TOPAZ1: variants seen among roughly 807,000 people sequenced by gnomAD.
TOPAZ1 encodes protein TOPAZ1.
In TOPAZ1, 66 loss-of-function variants were observed where a neutral mutation model predicts 172.2. The observed-to-expected ratio is 0.38, with a 90% CI of 0.31 to 0.47. TOPAZ1 has a LOEUF of 0.47. Ranked by LOEUF, TOPAZ1 falls within the 20% of genes least tolerant of loss-of-function variation. The pLI, the probability that TOPAZ1 is intolerant of heterozygous loss-of-function variation, is 0.99. For missense variants in TOPAZ1, 1,822 were observed against 1,972.4 expected (o/e 0.92, Z 1.44); for synonymous variants, 681 against 683.9 (o/e 1.00, Z 0.07).
In TOPAZ1 at chr3:44,252,806, G is replaced by A. The variant is rs567444853; in HGVS notation, c.2766-2162G>A. On this transcript the variant is annotated intron_variant, in intron 2 of 19. Transcript: ENST00000309765. Reference sequence around the variant, plus strand: ...TGGAATTGCTGGAAAGGAGGGAGGCGTCTTCATTTGGGTCTCCTTAGCTTG... The same window carrying A: ...TGGAATTGCTGGAAAGGAGGGAGGCATCTTCATTTGGGTCTCCTTAGCTTG... Among the ~76,000 whole-genome samples, 7 of 132,102 alleles carry A rather than the reference G, an allele frequency of 5.3e-5. No individual in the cohort carries two copies. In the South Asian group the frequency reaches 1.6e-3, roughly 30 times the overall value. 86.7% of individuals were successfully genotyped at this position (132,102 alleles called of 152,430 possible).
intron 8 of TOPAZ1, among the ~76,000 whole-genome samples, chr3:44,280,386 G>C (rs2125690419): frequency 7.2e-6 from 1 of 138,282 alleles, no homozygotes. Context: ...GTCTTTCTCT[G>C]TTGCCCAGGC....
intron 16 of TOPAZ1, among the ~76,000 whole-genome samples, chr3:44,310,426 G>A (rs1462930087): frequency 6.6e-6 from 1 of 152,078 alleles, no homozygotes; most frequent in Non-Finnish European, 1.5e-5. Context: ...TTGAACCCGG[G>A]AGGCGGAGGT....
intron 7 of TOPAZ1, among the ~76,000 whole-genome samples, chr3:44,269,904 G>A (rs970331190): frequency 4.6e-5 from 7 of 152,150 alleles, no homozygotes; most frequent in African/African-American, 9.7e-5. Flanking sequence ...GATTACGGGC[G>A]TGAGCCACTG....
chr3:44,270,177 T>C (rs1699880460), intron 7 of TOPAZ1, among the ~76,000 whole-genome samples: 1 of 152,216 alleles, frequency 6.6e-6, no homozygotes, highest in African/African-American at 2.4e-5. Flanking sequence ...ATTTGCCTTG[T>C]TCTATTAATC....
At position 44,303,022 on chromosome 3, in the gene TOPAZ1, T is replaced by C. The variant is rs559991873; in HGVS notation, c.3798-993T>C. ...CACACCCAGCTAATTTTTGCAGAGG[T>C]AGGATTCACCATATTAACCAGGCTG... is the stretch of plus-strand genomic sequence containing the variant. On this transcript the variant is annotated intron_variant, in intron 12 of 19. Transcript: ENST00000309765. 2.0e-5 allele frequency among the ~76,000 whole-genome samples: 3 copies of C among 152,118 alleles called. No individual in the cohort carries two copies. In the East Asian group the frequency reaches 5.8e-4, roughly 30 times the overall value.
chr3:44,268,799 G>A (rs1308651349), intron 6 of TOPAZ1, among the ~76,000 whole-genome samples: 1 of 152,084 alleles, frequency 6.6e-6, no homozygotes, highest in African/African-American at 2.4e-5. Flanking sequence ...CATATTGAGG[G>A]TTAGGGCTTC....
In TOPAZ1 at chr3:44,304,029, G is replaced by A. The variant is rs112655871; in HGVS notation, c.3812G>A (p.Arg1271Gln). ...TTTTGTTAAAGGTTACAGATGAGACGATTTAAAAAGAACTGGAAGTGTGAT... is the reference window on the plus strand; with the variant it reads ...TTTTGTTAAAGGTTACAGATGAGACAATTTAAAAAGAACTGGAAGTGTGAT... ...LEMKSRLQMR[R>Q]FKKNWKCDLD... Residue 1271 changes from arginine (R) to glutamine (Q), a missense_variant, in exon 13 of 20, where the codon CGA becomes CAA. By Grantham distance (43) the Arg-to-Gln change is conservative. Around this residue, in one of 2 missense-constraint regions of TOPAZ1, gnomAD observed 1,489 missense variants for 1,490.8 expected, o/e 1.00. Transcript: ENST00000309765. 1,220 of 1,537,972 alleles carry A rather than the reference G, an allele frequency of 7.9e-4. 17 individuals are homozygous for A. The African/African-American group carries it at 0.014, about 18-fold the overall frequency.
Position 44,242,179 on chromosome 3 carries a change from G to T in TOPAZ1, c.126G>T (p.Gly42=), listed in dbSNP as rs1392608015. 6.5e-7 allele frequency: 1 copy of T among 1,544,984 alleles called. No homozygotes were observed. Among genetic ancestry groups the T allele is most frequent in the South Asian group, 1.2e-5 (1 of 83,454 alleles). ...AAGGCGPEAG[G]CRENKQKRRM... ...GAGGCTGTGGCCCTGAGGCCGGGGG[G>T]TGCCGGGAAAATAAGCAAAAGAGGA... The change falls in exon 1 of 20, where the codon GGG becomes GGT. Residue 42 remains glycine, a synonymous_variant. Coordinates refer to ENST00000309765, the MANE Select transcript of TOPAZ1 (RefSeq NM_001145030.2).
Position 44,244,357 on chromosome 3 carries a change from A to G in TOPAZ1, c.1851A>G (p.Gln617=), listed in dbSNP as rs1207271113. 12 of 1,550,942 alleles carry G rather than the reference A, an allele frequency of 7.7e-6. No individual in the cohort carries two copies. The highest frequency in any genetic ancestry group is 1.4e-5 in the African/African-American group (1 of 73,060). ...EVISNTTEDT[Q]LTSETQSLTG... ...TTTCTAACACTACTGAAGATACTCAATTAACCAGTGAGACTCAAAGCTTAA... is the reference window on the plus strand; with the variant it reads ...TTTCTAACACTACTGAAGATACTCAGTTAACCAGTGAGACTCAAAGCTTAA... Residue 617 remains glutamine (Q), a synonymous_variant, in exon 2 of 20, where the codon CAA becomes CAG. Coordinates refer to ENST00000309765, the MANE Select transcript of TOPAZ1 (RefSeq NM_001145030.2).
At position 44,332,068 on chromosome 3, in the gene TOPAZ1, A is replaced by G. The variant is rs1700677652; in HGVS notation, c.*57A>G. On this transcript the variant is annotated 3_prime_UTR_variant, in exon 20 of 20. Transcript: ENST00000309765. ...TTCAAGTAATCATTGTTGAAAATAA[A>G]AGGCAATAAAAATAGACAGTTTTCA... 4.1e-6 allele frequency: 5 copies of G among 1,234,202 alleles called. No individual in the cohort carries two copies. Among genetic ancestry groups the G allele is most frequent in the Middle Eastern group, 2.8e-4 (1 of 3,562 alleles). 76.5% of individuals were successfully genotyped at this position (1,234,202 alleles called of 1,614,324 possible). A position where few individuals can be genotyped will look rare whatever the true frequency, so the allele number is the denominator to read the frequency against.
intron 3 of TOPAZ1, among the ~76,000 whole-genome samples, 200 bp from the exon 4 acceptor site, chr3:44,255,949 ATC>A (rs1387205334): frequency 6.6e-6 from 1 of 151,764 alleles, no homozygotes; most frequent in Non-Finnish European, 1.5e-5. Context: ...ATTCTTAAAT[ATC>A]TGTTTCTTTT....
chr3:44,281,261 T>C (rs1700020496), intron 8 of TOPAZ1, among the ~76,000 whole-genome samples: 1 of 152,210 alleles, frequency 6.6e-6, no homozygotes, highest in Non-Finnish European at 1.5e-5. Context: ...TCCATTTGGC[T>C]CACCATGCCA....
chr3:44,259,842 A>G (rs1476030337), intron 4 of TOPAZ1, among the ~76,000 whole-genome samples: 2 of 152,148 alleles, frequency 1.3e-5, no homozygotes, highest in African/African-American at 4.8e-5. Flanking sequence ...TTTAGAAGCC[A>G]TTTATATTGT....
chr3:44,297,698 C>T (rs1306425755), intron 12 of TOPAZ1, among the ~76,000 whole-genome samples: 3 of 151,654 alleles, frequency 2.0e-5, no homozygotes, highest in Non-Finnish European at 2.9e-5. Context: ...TAAAACTGTC[C>T]GTATTTGCAG....
intron 9 of TOPAZ1, among the ~76,000 whole-genome samples, chr3:44,287,162 A>G (rs779845779): frequency 6.6e-6 from 1 of 152,216 alleles, no homozygotes; most frequent in Non-Finnish European, 1.5e-5. Context: ...TGCAGGTAGC[A>G]CATGGGTTAC....
At chr3:44,322,280 G>C (rs533873358) in intron 17 of TOPAZ1, among the ~76,000 whole-genome samples, 1 of 152,268 alleles carries the variant, frequency 6.6e-6, no homozygotes, top group South Asian at 2.1e-4. Flanking sequence ...TGAAGGAATA[G>C]AAAATCCATT....
Position 44,287,834 on chromosome 3 carries a change from T to G in TOPAZ1, c.3676T>G (p.Cys1226Gly), listed in dbSNP as rs1236826265. The G allele has an allele frequency of 7.1e-7, 1 of 1,407,834 alleles. No individual in the cohort carries two copies. The highest frequency in any genetic ancestry group is 2.6e-5 in the East Asian group (1 of 38,764). The allele number at this position is 1,407,834 out of a possible 1,614,324, so 87.2% of individuals were successfully genotyped here. A position where few individuals can be genotyped will look rare whatever the true frequency, so the allele number is the denominator to read the frequency against. Reference protein sequence around the residue: ...NAVPALIDIFCKLVEAGMVLD... With the variant: ...NAVPALIDIFGKLVEAGMVLD... ...TGTACCTGCTTTAATTGATATCTTTTGCAAGGTATGGTTTTATTTTCTCTT... is the reference window on the plus strand; with the variant it reads ...TGTACCTGCTTTAATTGATATCTTTGGCAAGGTATGGTTTTATTTTCTCTT... Residue 1226 changes from cysteine (C) to glycine (G), a missense_variant, in exon 11 of 20, where the codon TGC (cysteine) becomes GGC (glycine). Transcript: ENST00000309765.
chr3:44,285,289 C>G (rs1005428476), intron 9 of TOPAZ1, among the ~76,000 whole-genome samples: 15 of 151,842 alleles, frequency 9.9e-5, no homozygotes, highest in African/African-American at 3.4e-4. Context: ...TGGCGAAACC[C>G]CATCTCTATA....
intron 16 of TOPAZ1, among the ~76,000 whole-genome samples, chr3:44,312,784 A>G (rs986392451): frequency 2.0e-5 from 3 of 152,204 alleles, no homozygotes; most frequent in Admixed American, 1.3e-4. Context: ...TTAGTTCTCT[A>G]TAATCAAATT....
Sources: gnomAD v4.1 joint callset for allele counts (sites outside exome capture counted in the v4.1 genomes callset) on GRCh38, gnomAD v4.1.1 for gene constraint, gnomAD v4.1.1 regional missense constraint, MANE v1.5 for transcripts, NCBI Gene and HGNC (gene_info 2026-07-23, HGNC 2026-07-21) for gene names.